LCLAT1: variants seen among roughly 807,000 people sequenced by gnomAD.
LCLAT1 encodes lysocardiolipin acyltransferase 1.
A neutral mutation model predicts 30.7 loss-of-function variants in LCLAT1; 11 were observed. The ratio of observed to expected loss-of-function variants is 0.36; its 90% confidence interval spans 0.23 to 0.59. The LOEUF (loss-of-function observed/expected upper bound fraction) is 0.59. Ranked by LOEUF, LCLAT1 falls within the 20% of genes least tolerant of loss-of-function variation. The pLI is 0.77. For missense variants in LCLAT1, 402 were observed against 458.6 expected, an observed-to-expected ratio of 0.88 and a Z score of 1.13; for synonymous variants, 155 against 151.3, an observed-to-expected ratio of 1.02 and a Z score of -0.18.
At position 30,562,270 on chromosome 2, in the gene LCLAT1, C is replaced by T. The variant is rs1417819121; in HGVS notation, c.489C>T (p.Phe163=). The T allele has an allele frequency of 6.2e-7, 1 of 1,611,122 alleles. No individual in the cohort carries two copies. Among genetic ancestry groups the T allele is most frequent in the Admixed American group, 1.7e-5 (1 of 59,950 alleles). Residue 163 remains phenylalanine, a synonymous_variant, in exon 4 of 6, where the codon TTC becomes TTT. Transcript: ENST00000379509. ...ACGAACCACTTCAACTCCTCATATT[C>T]CCAGAAGGGACTGATCTCACAGGTA... ...DIHEPLQLLI[F]PEGTDLTENS...
At chr2:30,536,427 C>A (rs1389322111) in intron 3 of LCLAT1, among the ~76,000 whole-genome samples, 3 of 152,190 alleles carry the variant, frequency 2.0e-5, no homozygotes, top group Admixed American at 1.3e-4. Flanking sequence ...CCCCATCAGA[C>A]TAATGGCAGA....
At chr2:30,561,037 G>A (rs1393596747) in intron 3 of LCLAT1, among the ~76,000 whole-genome samples, 1 of 151,914 alleles carries the variant, frequency 6.6e-6, no homozygotes, top group East Asian at 1.9e-4. Flanking sequence ...TGCCCCCCGG[G>A]TTCAAGCGAT....
Position 30,640,516 on chromosome 2 carries a change from T to G in LCLAT1, c.1028T>G (p.Phe343Cys), listed in dbSNP as rs1386663373. ...KWYFIITIVIFVLQERIFGGL... is the reference protein window; with the variant it reads ...KWYFIITIVICVLQERIFGGL... Reference sequence around the variant, plus strand: ...TATTTTATAATCACCATTGTAATCTTTGTGCTGCAAGAGAGAATATTTGGT... The same window carrying G: ...TATTTTATAATCACCATTGTAATCTGTGTGCTGCAAGAGAGAATATTTGGT... The change falls in exon 6 of 6, where the codon TTT becomes TGT. Residue 343 changes from phenylalanine to cysteine, a missense_variant. By Grantham distance (205) the Phe-to-Cys change is radical (BLOSUM62 -2). Transcript: ENST00000379509. The G allele has an allele frequency of 6.2e-7, 1 of 1,614,176 alleles. No homozygotes were observed. Among genetic ancestry groups the G allele is most frequent in the Non-Finnish European group, 8.5e-7 (1 of 1,180,008 alleles).
At chr2:30,479,655 C>T (rs1247929822) in intron 1 of LCLAT1, among the ~76,000 whole-genome samples, 1 of 152,112 alleles carries the variant, frequency 6.6e-6, no homozygotes, top group Admixed American at 6.6e-5. Flanking sequence ...TGGGAAGGGA[C>T]ATGCATGAAG....
At chr2:30,587,142 C>G (rs1666480096) in intron 5 of LCLAT1, among the ~76,000 whole-genome samples, 2 of 152,230 alleles carry the variant, frequency 1.3e-5, no homozygotes. Context: ...CACCCCCTTC[C>G]TCTAGAAACA....
At chr2:30,592,046 C>T (rs1330261382) in intron 5 of LCLAT1, among the ~76,000 whole-genome samples, 1 of 152,120 alleles carries the variant, frequency 6.6e-6, no homozygotes, top group Non-Finnish European at 1.5e-5. Flanking sequence ...TCTTTGTGAT[C>T]CCAGCCCTAG....
chr2:30,566,667 G>A (rs763988537), intron 4 of LCLAT1, among the ~76,000 whole-genome samples: 1 of 152,084 alleles, frequency 6.6e-6, no homozygotes, highest in South Asian at 2.1e-4. Flanking sequence ...TATCAATTTC[G>A]GAATGCAGCT....
At chr2:30,558,201 T>C (rs950737308) in intron 3 of LCLAT1, among the ~76,000 whole-genome samples, 3 of 152,162 alleles carry the variant, frequency 2.0e-5, no homozygotes, top group Admixed American at 1.3e-4. Context: ...ATGGACTTTA[T>C]ATCCTAAAAA....
At chr2:30,575,537 G>A (rs1428050740) in intron 5 of LCLAT1, among the ~76,000 whole-genome samples, 2 of 152,234 alleles carry the variant, frequency 1.3e-5, no homozygotes, top group Admixed American at 1.3e-4. Context: ...TTGCAACAGA[G>A]ATGAGATTTA....
rs982348313 is a variant in LCLAT1, at chr2:30,566,881, G to A, written c.512-1179G>A. ...ACAACTGGAACATGTACTTGACTCC[G>A]TAACTATATTCAGCCAAACCATGTT... On this transcript the variant is annotated intron_variant, in intron 4 of 5. Transcript: ENST00000379509. Among the ~76,000 whole-genome samples, 6 of 152,148 alleles carry A rather than the reference G, an allele frequency of 3.9e-5. No individual in the cohort carries two copies. In the East Asian group the frequency reaches 5.8e-4, roughly 15 times the overall value.
intron 5 of LCLAT1, among the ~76,000 whole-genome samples, chr2:30,586,765 TC>T (rs2148473155): frequency 6.6e-6 from 1 of 152,276 alleles, no homozygotes; most frequent in South Asian, 2.1e-4. Flanking sequence ...ATCTTTAAGC[TC>T]TAACTTACCA....
intron 5 of LCLAT1, among the ~76,000 whole-genome samples, chr2:30,633,616 C>T (rs1189816922): frequency 6.6e-6 from 1 of 152,064 alleles, no homozygotes; most frequent in East Asian, 1.9e-4. Context: ...ACCCGGGAGG[C>T]GGAGGTTGCA....
At chr2:30,455,144 C>G (rs558574138) in intron 1 of LCLAT1, among the ~76,000 whole-genome samples, 2 of 151,412 alleles carry the variant, frequency 1.3e-5, no homozygotes, top group South Asian at 4.2e-4. Flanking sequence ...ATTTATTTCT[C>G]TTTTTATCTA....
intron 5 of LCLAT1, among the ~76,000 whole-genome samples, chr2:30,602,551 ACTGGGAATTG>A (rs1667237906): frequency 6.6e-6 from 1 of 152,156 alleles, no homozygotes; most frequent in Admixed American, 6.6e-5. Context: ...ACACACCTGC[ACTGGGAATTG>A]TTTTGTACTC....
At chr2:30,611,970 T>C (rs1236978710) in intron 5 of LCLAT1, among the ~76,000 whole-genome samples, 1 of 151,706 alleles carries the variant, frequency 6.6e-6, no homozygotes. Flanking sequence ...TTTTTCAAGC[T>C]GGTGGGACTC....
chr2:30,552,874 A>G (rs1215034302), intron 3 of LCLAT1, among the ~76,000 whole-genome samples: 7 of 152,168 alleles, frequency 4.6e-5, no homozygotes, highest in African/African-American at 9.7e-5. Context: ...CCTATTGTTC[A>G]TTCTCATTTA....
chr2:30,453,867 T>G (rs1188204511), intron 1 of LCLAT1, among the ~76,000 whole-genome samples: 5 of 152,206 alleles, frequency 3.3e-5, no homozygotes, highest in Non-Finnish European at 5.9e-5. Flanking sequence ...TTTTAACTCC[T>G]TTAACCCTCC....
chr2:30,503,156 C>T (rs1225646073), intron 1 of LCLAT1, among the ~76,000 whole-genome samples: 1 of 152,180 alleles, frequency 6.6e-6, no homozygotes, highest in Admixed American at 6.5e-5. Flanking sequence ...CATTTATAAA[C>T]TGTCGTGGCG....
intron 5 of LCLAT1, among the ~76,000 whole-genome samples, chr2:30,613,634 C>A (rs2148508039): frequency 7.6e-6 from 1 of 131,106 alleles, no homozygotes; most frequent in Non-Finnish European, 1.6e-5. Context: ...CTCTGAGTTC[C>A]CCTAGTATTT....
Sources: gnomAD v4.1 joint callset for allele counts (sites outside exome capture counted in the v4.1 genomes callset) on GRCh38, gnomAD v4.1.1 for gene constraint, MANE v1.5 for transcripts, NCBI Gene and HGNC (gene_info 2026-07-23, HGNC 2026-07-21) for gene names.